Variants in MMP26 observed in about 807,000 individuals in gnomAD.
MMP26 encodes matrix metalloproteinase-26.
In MMP26, 33 loss-of-function variants were observed where a neutral mutation model predicts 31.0. The observed-to-expected ratio is 1.06, with a 90% CI of 0.81 to 1.42. The LOEUF (loss-of-function observed/expected upper bound fraction) is 1.42. Ranked by LOEUF, MMP26 falls within the 40% of genes most tolerant of loss-of-function variation. The pLI is 0.00. For synonymous variants in MMP26, 122 were observed against 114.9 expected (o/e 1.06, Z -0.40); for missense variants, 347 against 316.1 (o/e 1.10, Z -0.74).
intron 2 of MMP26, among the ~76,000 whole-genome samples, chr11:4,839,439 G>T (rs1849764777): frequency 6.6e-6 from 1 of 151,374 alleles, no homozygotes; most frequent in African/African-American, 2.4e-5. Context: ...CCTTCCTTCT[G>T]CTTGAGGAGA....
At chr11:4,853,533 T>C (rs1850004608) in intron 2 of MMP26, among the ~76,000 whole-genome samples, 1 of 152,178 alleles carries the variant, frequency 6.6e-6, no homozygotes, top group South Asian at 2.1e-4. Context: ...GGGATAACAC[T>C]ATTAGACAAT....
chr11:4,738,570 C>G (rs1178503743), intron 1 of MMP26, among the ~76,000 whole-genome samples: 1 of 152,180 alleles, frequency 6.6e-6, no homozygotes, highest in Non-Finnish European at 1.5e-5. Flanking sequence ...AGTCAGAATT[C>G]TGCCACTAGG....
intron 2 of MMP26, among the ~76,000 whole-genome samples, chr11:4,833,412 G>C (rs1353579573): frequency 3.3e-5 from 5 of 152,166 alleles, no homozygotes; most frequent in Non-Finnish European, 7.3e-5. Flanking sequence ...CTGTGGCTGG[G>C]AGAGTCCTAC....
intron 2 of MMP26, chr11:4,859,688 T>C (rs1233177573): frequency 2.1e-6 from 1 of 470,946 alleles, no homozygotes; most frequent in South Asian, 1.6e-5. Context: ...CTGTAGACAA[T>C]GGGGTTTAGC....
intron 1 of MMP26, among the ~76,000 whole-genome samples, chr11:4,706,415 A>T (rs1410308885): frequency 5.3e-5 from 8 of 151,600 alleles, no homozygotes; most frequent in Non-Finnish European, 1.5e-5. Flanking sequence ...AAAAAAAATT[A>T]TCCAGGCATG....
At chr11:4,726,751 A>G (rs554048364) in intron 1 of MMP26, among the ~76,000 whole-genome samples, 46 of 152,310 alleles carry the variant, frequency 3.0e-4, no homozygotes, top group African/African-American at 1.1e-3. Context: ...TCACGCTTGT[A>G]ATCCCAGCAC....
chr11:4,917,481 A>G (rs1687206000), intron 2 of MMP26, among the ~76,000 whole-genome samples: 2 of 152,338 alleles, frequency 1.3e-5, no homozygotes, highest in Middle Eastern at 6.8e-3. Context: ...AGCTGAATAA[A>G]TAAATAAACT....
intron 2 of MMP26, chr11:4,804,325 C>A (rs563438224): frequency 6.2e-7 from 1 of 1,614,096 alleles, no homozygotes; most frequent in Admixed American, 1.7e-5. Flanking sequence ...GCCTGGGATT[C>A]CAAGCAGGAT....
chr11:4,968,088 C>T (rs1235760066), intron 2 of MMP26, among the ~76,000 whole-genome samples: 1 of 151,974 alleles, frequency 6.6e-6, no homozygotes, highest in Non-Finnish European at 1.5e-5. Context: ...TTCTAAAGAT[C>T]CAATAAGAGT....
intron 2 of MMP26, among the ~76,000 whole-genome samples, chr11:4,827,071 G>A (rs779033592): frequency 3.3e-5 from 5 of 152,100 alleles, no homozygotes; most frequent in African/African-American, 7.2e-5. Context: ...TACATGGCAC[G>A]CGCCTAGGTT....
chr11:4,724,383 A>T (rs932277748), intron 1 of MMP26, among the ~76,000 whole-genome samples: 2 of 152,252 alleles, frequency 1.3e-5, no homozygotes, highest in Non-Finnish European at 2.9e-5. Flanking sequence ...AGGGATCTGG[A>T]CACAAAGCCT....
At chr11:4,923,552 A>G in intron 2 of MMP26, 1 of 1,614,164 alleles carries the variant, frequency 6.2e-7, no homozygotes, top group East Asian at 2.2e-5. Context: ...AAAGCGATGC[A>G]CAAGAGACAA....
chr11:4,808,487 C>T (rs75938784), intron 2 of MMP26, among the ~76,000 whole-genome samples: 7,540 of 152,084 alleles, frequency 0.05, 317 homozygotes, highest in African/African-American at 0.12. Context: ...GCTGATTTCT[C>T]GGGGAGGACA....
chr11:4,739,707 C>CTT (rs376548254), intron 1 of MMP26, among the ~76,000 whole-genome samples: 13 of 149,668 alleles, frequency 8.7e-5, no homozygotes, highest in Admixed American at 3.3e-4. Context: ...TTGTTGACTA[C>CTT]TTTTTTTTTT....
At chr11:4,769,758 G>A (rs1311725260) in intron 2 of MMP26, 3 of 1,613,884 alleles carry the variant, frequency 1.9e-6, no homozygotes, top group Non-Finnish European at 1.7e-6. Context: ...AGACTCTGCT[G>A]GGTAATGATG....
intron 2 of MMP26, among the ~76,000 whole-genome samples, chr11:4,852,384 A>G (rs1377397455): frequency 1.3e-5 from 2 of 152,208 alleles, no homozygotes; most frequent in Admixed American, 6.5e-5. Flanking sequence ...ACAATAGCAG[A>G]CTGCATATTC....
intron 2 of MMP26, chr11:4,914,850 G>C: frequency 6.2e-7 from 1 of 1,614,054 alleles, no homozygotes; most frequent in Non-Finnish European, 8.5e-7. Context: ...TGGGGTGCCT[G>C]CTTTCCAAAG....
intron 1 of MMP26, among the ~76,000 whole-genome samples, chr11:4,760,836 T>C (rs374612073): frequency 1.1e-4 from 17 of 152,300 alleles, no homozygotes; most frequent in African/African-American, 2.4e-4. Context: ...CTGGCATAGG[T>C]GTAAACCAAT....
intron 1 of MMP26, among the ~76,000 whole-genome samples, chr11:4,720,422 T>C (rs1347740188): frequency 1.3e-5 from 2 of 152,178 alleles, no homozygotes; most frequent in Non-Finnish European, 2.9e-5. Flanking sequence ...TTGGACCTTA[T>C]CCTCAAGGAA....
Sources: allele counts gnomAD v4.1 joint callset (sites outside exome capture counted in the v4.1 genomes callset), GRCh38; gene constraint gnomAD v4.1.1; transcripts MANE v1.5; gene names NCBI Gene and HGNC (gene_info 2026-07-23, HGNC 2026-07-21).